The following AFF3 variants were observed in gnomAD, a reference collection of about 807,000 sequenced individuals.
AFF3 encodes the protein AF4/FMR2 family member 3.
AFF3 carries 32 observed loss-of-function variants against 129.7 expected under a neutral mutation model. The observed-to-expected ratio is 0.25, with a 90% CI of 0.19 to 0.33. The LOEUF is 0.33. Among genes scored for constraint, AFF3 ranks in the 10% least tolerant of loss-of-function variants. The pLI is 1.00. For synonymous variants in AFF3, 644 were observed against 635.4 expected, an observed-to-expected ratio of 1.01 and a Z score of -0.20; for missense variants, 1,373 against 1,592.0, an observed-to-expected ratio of 0.86 and a Z score of 2.34.
At chr2:99,623,535 GGTGA>G (rs1273500266) in intron 13 of AFF3, among the ~76,000 whole-genome samples, 1 of 152,198 alleles carries the variant, frequency 6.6e-6, no homozygotes, top group Non-Finnish European at 1.5e-5. Flanking sequence ...CCCTGGCTGG[GGTGA>G]GTGAGGTTGA....
chr2:99,718,635 C>T (rs142289128), intron 11 of AFF3, among the ~76,000 whole-genome samples: 1 of 152,244 alleles, frequency 6.6e-6, no homozygotes, highest in South Asian at 2.1e-4. Context: ...CTGACCAAAA[C>T]CTCCAGGACA....
intron 11 of AFF3, among the ~76,000 whole-genome samples, chr2:99,676,263 G>A (rs1021670728): frequency 3.3e-5 from 5 of 152,112 alleles, no homozygotes; most frequent in African/African-American, 1.2e-4. Context: ...ACTCACAGCA[G>A]CAGCTCTCAT....
intron 4 of AFF3, among the ~76,000 whole-genome samples, chr2:100,100,972 G>C (rs1478258005): frequency 1.3e-5 from 2 of 152,214 alleles, no homozygotes; most frequent in Non-Finnish European, 2.9e-5. Context: ...AGTGTTGGGT[G>C]CTGAATGAAC....
chr2:99,950,135 G>C (rs935175304), intron 7 of AFF3, among the ~76,000 whole-genome samples: 1 of 152,122 alleles, frequency 6.6e-6, no homozygotes, highest in Non-Finnish European at 1.5e-5. Flanking sequence ...CTAACAAAGT[G>C]ACTTTAGCTA....
intron 12 of AFF3, among the ~76,000 whole-genome samples, chr2:99,667,213 T>C (rs2104396134): frequency 6.6e-6 from 1 of 152,210 alleles, no homozygotes; most frequent in African/African-American, 2.4e-5. Context: ...GGAACCAAAC[T>C]AGAAACCAAT....
rs189406371 is a variant in AFF3, at chr2:99,893,206, C to T, written c.874-55682G>A. On this transcript the variant is annotated intron_variant, in intron 7 of 24. Transcript: ENST00000672756. The stretch of plus-strand genomic sequence containing the variant: ...TCCCTGGTGCTGGGGCCACCTTCTG[C>T]TCAGGATGTGACAATGGTCACACCT... 6.0e-3 allele frequency among the ~76,000 whole-genome samples: 914 copies of T among 152,332 alleles called. 6 individuals carry two copies. Among genetic ancestry groups the T allele is most frequent in the Non-Finnish European group, 0.011 (721 of 68,034 alleles).
intron 2 of AFF3, among the ~76,000 whole-genome samples, chr2:100,116,449 T>A (rs1339378113): frequency 6.6e-6 from 1 of 152,162 alleles, no homozygotes; most frequent in Non-Finnish European, 1.5e-5. Context: ...TCATTTGGAT[T>A]ATTTGAGTAT....
chr2:99,565,259 C>G (rs886950925), intron 20 of AFF3, among the ~76,000 whole-genome samples: 5 of 152,090 alleles, frequency 3.3e-5, no homozygotes, highest in African/African-American at 1.2e-4. Context: ...GACTCAGCCT[C>G]CTCCCTCAGC....
At chr2:100,096,086 C>A (rs1690262506) in intron 4 of AFF3, among the ~76,000 whole-genome samples, 1 of 150,140 alleles carries the variant, frequency 6.7e-6, no homozygotes, top group Non-Finnish European at 1.5e-5. Context: ...ACACTCCCAT[C>A]CCCCCAACCC....
At chr2:99,995,192 G>C (rs927162668) in intron 7 of AFF3, among the ~76,000 whole-genome samples, 1 of 152,084 alleles carries the variant, frequency 6.6e-6, no homozygotes, top group African/African-American at 2.4e-5. Context: ...ACAAGAAATT[G>C]TCTTCATAGG....
chr2:99,946,473 TAAAAAAAAAA>T (rs55672296), intron 7 of AFF3, among the ~76,000 whole-genome samples: 8 of 50,486 alleles, frequency 1.6e-4, no homozygotes, highest in African/African-American at 2.7e-4. Context: ...GACGCCATCT[TAAAAAAAAAA>T]AAAAAAAAAA....
rs186619484 is a variant in AFF3 at position 99,917,642 on chromosome 2, T to G, written c.874-80118A>C. 4.0e-3 allele frequency among the ~76,000 whole-genome samples: 615 copies of G among 152,294 alleles called. 5 individuals are homozygous for G. Among genetic ancestry groups the G allele is most frequent in the Non-Finnish European group, 6.1e-3 (412 of 68,032 alleles). On this transcript the variant is annotated intron_variant, in intron 7 of 24. Coordinates refer to ENST00000672756, the MANE Select transcript of AFF3 (RefSeq NM_001386135.1). ...ATTTAGTGATGATGTAATAGATTACTGAACAGGCTGCCAGATTTTTCTATA... is the reference window on the plus strand; with the variant it reads ...ATTTAGTGATGATGTAATAGATTACGGAACAGGCTGCCAGATTTTTCTATA...
intron 4 of AFF3, among the ~76,000 whole-genome samples, chr2:100,012,863 G>C (rs985130773): frequency 6.6e-5 from 10 of 152,130 alleles, no homozygotes; most frequent in African/African-American, 2.4e-4. Flanking sequence ...TTTGTTACTA[G>C]CAGATGGTAA....
At position 100,020,167 on chromosome 2, in the gene AFF3, C is replaced by T. The variant is rs1357147952; in HGVS notation, c.54-11235G>A. 3.3e-5 allele frequency among the ~76,000 whole-genome samples: 5 copies of T among 152,198 alleles called. No individual in the cohort carries two copies. The East Asian group carries it at 7.8e-4, about 24-fold the overall frequency. Reference sequence around the variant, plus strand: ...GCCAGGCTTCAACTTCCTCATGGGGCAATCCGTGGATGCTTTTCACTCCCC... The same window carrying T: ...GCCAGGCTTCAACTTCCTCATGGGGTAATCCGTGGATGCTTTTCACTCCCC... On this transcript the variant is annotated intron_variant, in intron 4 of 24. Coordinates refer to ENST00000672756, the MANE Select transcript of AFF3 (RefSeq NM_001386135.1).
At chr2:99,649,942 C>T (rs1255800440) in intron 12 of AFF3, among the ~76,000 whole-genome samples, 1 of 152,200 alleles carries the variant, frequency 6.6e-6, no homozygotes, top group Admixed American at 6.5e-5. Context: ...CCCAGGTAAG[C>T]TTGGACAGGC....
In AFF3 at chr2:99,612,223, G is replaced by A. The variant is rs571989025; in HGVS notation, c.1185-10602C>T. Among the ~76,000 whole-genome samples, 72 of 152,262 alleles carry A rather than the reference G, an allele frequency of 4.7e-4. No individual in the cohort carries two copies. The South Asian group carries it at 9.3e-3, about 20-fold the overall frequency. The stretch of plus-strand genomic sequence containing the variant: ...TCCCAGAACAGGCAACCACCCACTT[G>A]GTATTTAGCAAGTAGAAAGGAACCC... On this transcript the variant is annotated intron_variant, in intron 13 of 24. Transcript: ENST00000672756.
At chr2:99,675,942 G>C (rs921722943) in intron 11 of AFF3, among the ~76,000 whole-genome samples, 6 of 150,184 alleles carry the variant, frequency 4.0e-5, no homozygotes, top group African/African-American at 1.5e-4. Flanking sequence ...TGCAAATTAA[G>C]TGCTGATTAG....
intron 4 of AFF3, among the ~76,000 whole-genome samples, chr2:100,055,752 C>G (rs771700328): frequency 6.6e-5 from 10 of 152,092 alleles, no homozygotes; most frequent in Non-Finnish European, 1.3e-4. Flanking sequence ...CAGCCTTAAA[C>G]AATACATAAT....
chr2:99,659,295 C>T (rs1236839151), intron 12 of AFF3, among the ~76,000 whole-genome samples: 1 of 152,190 alleles, frequency 6.6e-6, no homozygotes, highest in South Asian at 2.1e-4. Context: ...TCTGGATGTG[C>T]ACACATGCAT....
Sources: gnomAD v4.1 joint callset for allele counts (sites outside exome capture counted in the v4.1 genomes callset) on GRCh38, gnomAD v4.1.1 for gene constraint, MANE v1.5 for transcripts, NCBI Gene and HGNC (gene_info 2026-07-23, HGNC 2026-07-21) for gene names.